IL12RB1: variants seen among roughly 807,000 people sequenced by gnomAD.
The protein encoded by IL12RB1 is interleukin 12 receptor subunit beta 1, also known as interleukin-12 receptor subunit beta-1.
A neutral mutation model predicts 94.4 loss-of-function variants in IL12RB1; 64 were observed. The observed-to-expected ratio is 0.68, with a 90% confidence interval of 0.55 to 0.83. IL12RB1 has a LOEUF of 0.83. Among genes scored for constraint, IL12RB1 ranks in the 40% least tolerant of loss-of-function variants. The probability of loss-of-function intolerance (pLI) is 0.00; values close to 1 mark genes in which losing one functional copy is unlikely to be tolerated. For synonymous variants in IL12RB1, 362 were observed against 355.5 expected (o/e 1.02, Z -0.21); for missense variants, 814 against 855.6 (o/e 0.95, Z 0.61).
Position 18,066,644 on chromosome 19 carries a change from A to G in IL12RB1, c.1381T>C (p.Ser461Pro). The change falls in exon 12 of 17, where the codon TCT becomes CCT. Residue 461 changes from serine to proline, a missense_variant. Physicochemically the swap from Ser to Pro is moderately conservative, Grantham distance 74. Transcript: ENST00000593993. ...GATGGTGCCCAGTCCACAGACACAG[A>G]GTCCAAGCTATGATTCTTCACCGAG... ...HVSVKNHSLD[S>P]VSVDWAPSLL... is the part of the protein sequence containing the mutation. 1 of 1,611,584 alleles carries G rather than the reference A, an allele frequency of 6.2e-7. No individual in the cohort carries two copies. The highest frequency in any genetic ancestry group is 8.5e-7 in the Non-Finnish European group (1 of 1,177,988).
intron 1 of IL12RB1, among the ~76,000 whole-genome samples, chr19:18,085,068 C>T (rs146836557): frequency 7.0e-4 from 107 of 152,280 alleles, no homozygotes; most frequent in Middle Eastern, 6.8e-3. Context: ...CTGGGATCCC[C>T]GTGCCCTTTG....
chr19:18,094,390 A>G (rs969682912), intron 1 of IL12RB1, among the ~76,000 whole-genome samples: 2 of 152,156 alleles, frequency 1.3e-5, no homozygotes, highest in Non-Finnish European at 2.9e-5. Context: ...CAGCCTCCCA[A>G]AGTGCTGGGA....
intron 1 of IL12RB1, among the ~76,000 whole-genome samples, chr19:18,085,610 T>TTTATTA (rs901255326): frequency 6.6e-6 from 1 of 151,574 alleles, no homozygotes; most frequent in Non-Finnish European, 1.5e-5. Flanking sequence ...GGAAAGTTTA[T>TTTATTA]TTATTATTAT....
chr19:18,072,493 C>G, intron 8 of IL12RB1, 144 bp from the exon 9 acceptor site: 1 of 678,772 alleles, frequency 1.5e-6, no homozygotes. Flanking sequence ...GAATAATAAA[C>G]CTCAATGCTG....
At chr19:18,073,007 A>G (rs1035314539) in intron 8 of IL12RB1, among the ~76,000 whole-genome samples, 2 of 152,000 alleles carry the variant, frequency 1.3e-5, no homozygotes, top group African/African-American at 4.8e-5. Flanking sequence ...GAACATAGGA[A>G]ATAAAGGATT....
chr19:18,060,769 G>A (rs1019925993), intron 15 of IL12RB1, among the ~76,000 whole-genome samples: 1 of 152,050 alleles, frequency 6.6e-6, no homozygotes, highest in African/African-American at 2.4e-5. Context: ...CAGTTAATGG[G>A]GAAAATGGAC....
At chr19:18,064,374 C>G (rs565645314) in intron 12 of IL12RB1, among the ~76,000 whole-genome samples, 4 of 151,780 alleles carry the variant, frequency 2.6e-5, no homozygotes, top group African/African-American at 9.7e-5. Flanking sequence ...CTCCTGACCT[C>G]GTGATCTGCC....
At chr19:18,093,925 T>G (rs2036760990) in intron 1 of IL12RB1, among the ~76,000 whole-genome samples, 2 of 152,116 alleles carry the variant, frequency 1.3e-5, no homozygotes, top group Non-Finnish European at 2.9e-5. Context: ...GGAGCTTCCC[T>G]CCATGTGGCC....
intron 6 of IL12RB1, 94 bp downstream of exon 6, chr19:18,076,203 C>CA (rs1353974192): frequency 2.6e-6 from 2 of 780,282 alleles, no homozygotes. Context: ...AAGAGGCATA[C>CA]AAAAAAATTC....
At chr19:18,097,684 C>A in intron 1 of IL12RB1, 1 of 654,874 alleles carries the variant, frequency 1.5e-6, no homozygotes, top group Non-Finnish European at 2.1e-6. Flanking sequence ...CCGGGAGGGG[C>A]GGGGCCAGGC....
At chr19:18,059,833 G>C (rs955091939) in intron 16 of IL12RB1, 61 bp downstream of exon 16, 6 of 975,904 alleles carry the variant, frequency 6.1e-6, no homozygotes, top group Non-Finnish European at 9.6e-6. Flanking sequence ...TGGATGTCTA[G>C]CCCCCCCACC....
chr19:18,086,734 C>T lies in IL12RB1; in HGVS notation c.64+26G>A, dbSNP rs751589658. 45 of 1,597,380 alleles carry T rather than the reference C, an allele frequency of 2.8e-5. No homozygotes were observed. In the Admixed American group the frequency reaches 3.8e-4, roughly 13 times the overall value. ...CGTGCCTCCACCCAGCAAGAGGAGC[C>T]GCCATGCCAGGGTCAGGGGACTCAC... is the stretch of plus-strand genomic sequence containing the variant. On this transcript the variant is annotated intron_variant, in intron 1 of 16. Transcript: ENST00000593993.
At position 18,059,967 on chromosome 19, in the gene IL12RB1, A is replaced by G; in HGVS notation, c.1910T>C (p.Leu637Pro). The G allele has an allele frequency of 1.9e-6, 3 of 1,599,850 alleles. No homozygotes were observed. The highest frequency in any genetic ancestry group is 2.6e-6 in the Non-Finnish European group (3 of 1,172,512). The change falls in exon 16 of 17, where the codon CTA becomes CCA. Residue 637 changes from leucine to proline, a missense_variant. Leu to Pro is a moderately conservative substitution (Grantham distance 98). Coordinates refer to ENST00000593993, the MANE Select transcript of IL12RB1 (RefSeq NM_005535.3). ...GGCCAGCTCAGGGGCACCCTCAGGT[A>G]GCTCTGTCTTCTCGAGAGGCTCAGT... is the stretch of plus-strand genomic sequence containing the variant. Reference protein sequence around the residue: ...ERTEPLEKTELPEGAPELALD... With the variant: ...ERTEPLEKTEPPEGAPELALD...
At chr19:18,061,246 T>TC (rs1233892296) in intron 14 of IL12RB1, 49 bp from the exon 15 acceptor site, 2 of 1,003,386 alleles carry the variant, frequency 2.0e-6, no homozygotes, top group Non-Finnish European at 1.5e-6. Flanking sequence ...TTTTTTTTTT[T>TC]TGGAGACGGA....
intron 10 of IL12RB1, 72 bp from the exon 11 acceptor site, chr19:18,068,598 G>T: frequency 7.6e-7 from 1 of 1,307,424 alleles, no homozygotes; most frequent in Non-Finnish European, 1.1e-6. Flanking sequence ...CACTGGCTGT[G>T]CCATCTGCCA....
chr19:18,085,470 TG>T, intron 1 of IL12RB1, among the ~76,000 whole-genome samples: 1 of 152,052 alleles, frequency 6.6e-6, no homozygotes, highest in Non-Finnish European at 1.5e-5. Flanking sequence ...TCTCCAGCCA[TG>T]CCTGGCCCCT....
intron 7 of IL12RB1, among the ~76,000 whole-genome samples, chr19:18,074,812 G>A (rs1456331745): frequency 6.6e-6 from 1 of 151,932 alleles, no homozygotes; most frequent in Non-Finnish European, 1.5e-5. Context: ...AGCACTTTGG[G>A]AGGCCGAGGA....
intron 1 of IL12RB1, among the ~76,000 whole-genome samples, chr19:18,096,251 AT>A (rs528140143): frequency 2.0e-3 from 304 of 151,656 alleles, no homozygotes; most frequent in Non-Finnish European, 2.5e-3. Flanking sequence ...CAAAAAAAAA[AT>A]TTTTTTTTAA....
At chr19:18,094,253 C>T (rs1332948212) in intron 1 of IL12RB1, among the ~76,000 whole-genome samples, 4 of 152,296 alleles carry the variant, frequency 2.6e-5, no homozygotes, top group East Asian at 1.9e-4. Context: ...CTCAGCCCCC[C>T]GAGTAGCGGG....
Sources: gnomAD v4.1 joint callset for allele counts (sites outside exome capture counted in the v4.1 genomes callset) on GRCh38, gnomAD v4.1.1 for gene constraint, MANE v1.5 for transcripts, NCBI Gene and HGNC (gene_info 2026-07-23, HGNC 2026-07-21) for gene names.